DDX47: variants seen among roughly 807,000 people sequenced by gnomAD.
DDX47 encodes the protein probable ATP-dependent RNA helicase DDX47.
A neutral mutation model predicts 58.8 loss-of-function variants in DDX47; 60 were observed. The observed-to-expected ratio is 1.02, with a 90% confidence interval of 0.83 to 1.26. DDX47 has a LOEUF of 1.26. DDX47 is among the 50% of genes most tolerant of loss of function. The pLI is 0.00. For synonymous variants in DDX47, 197 were observed against 204.6 expected, an observed-to-expected ratio of 0.96 and a Z score of 0.32; for missense variants, 530 against 573.2, an observed-to-expected ratio of 0.92 and a Z score of 0.77.
At chr12:12,815,670 C>T (rs1724336020) in intron 2 of DDX47, among the ~76,000 whole-genome samples, 2 of 151,928 alleles carry the variant, frequency 1.3e-5, no homozygotes, top group Admixed American at 1.3e-4. Context: ...GCATAGGGAA[C>T]AGCATGAAAA....
chr12:12,829,691 C>T lies in DDX47; in HGVS notation c.*137C>T. The stretch of plus-strand genomic sequence containing the variant: ...TGCTCAGCTAATTCAGTATTCTTCC[C>T]CATTCTGGGTTGGAGTTTACTGCAG... On this transcript the variant is annotated 3_prime_UTR_variant, in exon 12 of 12. Transcript: ENST00000358007. 9 of 1,139,432 alleles carry T rather than the reference C, an allele frequency of 7.9e-6. No homozygotes were observed. The highest frequency in any genetic ancestry group is 1.1e-5 in the Non-Finnish European group (9 of 825,160). The allele number at this position is 1,139,432 out of a possible 1,614,324, so 70.6% of individuals were successfully genotyped here.
chr12:12,821,413 G>A lies in DDX47; in HGVS notation c.370+17G>A, dbSNP rs755777234. 3 of 1,613,788 alleles carry A rather than the reference G, an allele frequency of 1.9e-6. No homozygotes were observed. The highest frequency in any genetic ancestry group is 2.5e-6 in the Non-Finnish European group (3 of 1,179,782). ...TGCAGAGTGGTAAGTGTCTGAGAGG[G>A]AAGGGATCCTAGGTTGCCATCACAA... On this transcript the variant is annotated intron_variant, in intron 3 of 11. Coordinates refer to ENST00000358007, the MANE Select transcript of DDX47 (RefSeq NM_016355.4).
intron 2 of DDX47, among the ~76,000 whole-genome samples, chr12:12,816,800 A>T (rs1000047404): frequency 6.6e-6 from 1 of 152,248 alleles, no homozygotes; most frequent in African/African-American, 2.4e-5. Flanking sequence ...GGAAAGAACT[A>T]TCAGCGGCCC....
At chr12:12,821,087 C>G (rs1426594629) in intron 2 of DDX47, 121 bp from the exon 3 acceptor site, 13 of 1,015,758 alleles carry the variant, frequency 1.3e-5, no homozygotes, top group Middle Eastern at 2.2e-4. Context: ...CAACTTTCCT[C>G]TCTCCCCAGT....
chr12:12,823,757 T>C lies in DDX47; in HGVS notation c.751-113T>C, dbSNP rs180982671. The stretch of plus-strand genomic sequence containing the variant: ...GGAATGCAAAGCTGGCAGCTGGAGG[T>C]CTGGATAATTGAAAAGCGACTATAG... On this transcript the variant is annotated intron_variant, in intron 7 of 11. Transcript: ENST00000358007. The C allele has an allele frequency of 1.2e-4, 124 of 1,026,708 alleles. 1 individual carries two copies. In the East Asian group the frequency reaches 2.2e-3, roughly 19 times the overall value. The allele number at this position is 1,026,708 out of a possible 1,614,324, so 63.6% of individuals were successfully genotyped here. A position where few individuals can be genotyped will look rare whatever the true frequency, so the allele number is the denominator to read the frequency against.
chr12:12,820,552 GT>G (rs1862953793), intron 2 of DDX47: 1 of 153,468 alleles, frequency 6.5e-6, no homozygotes, highest in South Asian at 2.1e-4. Flanking sequence ...CTGGAGTGCA[GT>G]GGCACGATCT....
chr12:12,813,454 G>A lies in DDX47; in HGVS notation c.87G>A (p.Leu29=). 1 of 1,607,120 alleles carries A rather than the reference G, an allele frequency of 6.2e-7. No individual in the cohort carries two copies. The highest frequency in any genetic ancestry group is 1.1e-5 in the South Asian group (1 of 89,794). ...AGGAAACTAAAACATTTAAAGACCT[G>A]GTGAGAATGGATGACGCTGGCTTCT... ...EEEETKTFKD[L]GVTDVLCEAC... The change falls in exon 1 of 12, where the codon CTG becomes CTA. Residue 29 remains leucine (L), a splice_region_variant and synonymous_variant. Transcript: ENST00000358007.
intron 9 of DDX47, among the ~76,000 whole-genome samples, chr12:12,825,437 A>G (rs1863038058): frequency 6.6e-6 from 1 of 152,188 alleles, no homozygotes; most frequent in African/African-American, 2.4e-5. Flanking sequence ...TCCACCTGTG[A>G]TAATCAGAAA....
intron 2 of DDX47, among the ~76,000 whole-genome samples, chr12:12,819,969 G>T (rs7966040): frequency 1.3e-5 from 2 of 152,084 alleles, no homozygotes; most frequent in Non-Finnish European, 2.9e-5. Context: ...TCATGTTCAG[G>T]TTATGTCAGG....
intron 11 of DDX47, among the ~76,000 whole-genome samples, chr12:12,827,869 CTTTTTTCTTTTTT>C (rs1863077623): frequency 9.1e-6 from 1 of 109,690 alleles, no homozygotes; most frequent in Non-Finnish European, 1.8e-5. Context: ...CAAAACTTTT[CTTTTTTCTTTTTT>C]TTTTTTTTTT....
chr12:12,827,566 G>T (rs1164872448), intron 11 of DDX47, among the ~76,000 whole-genome samples, 191 bp downstream of exon 11: 3 of 152,178 alleles, frequency 2.0e-5, no homozygotes, highest in Admixed American at 6.5e-5. Context: ...TTGAATCAAG[G>T]TTTGGCCTCA....
rs769160289 is a variant in DDX47 at position 12,822,127 on chromosome 12, T to A, written c.561+44T>A. 36 of 1,435,692 alleles carry A rather than the reference T, an allele frequency of 2.5e-5. No homozygotes were observed. The African/African-American group carries it at 4.7e-4, about 19-fold the overall frequency. The allele number at this position is 1,435,692 out of a possible 1,614,324, so 88.9% of individuals were successfully genotyped here. ...TCCTCCTCTTAGAGCATCTCAAGGT[T>A]CCTGTTTCAAAATTTGGTTCATTGC... On this transcript the variant is annotated intron_variant, in intron 5 of 11. Transcript: ENST00000358007.
chr12:12,821,801 C>G, intron 4 of DDX47, 75 bp downstream of exon 4: 1 of 1,339,606 alleles, frequency 7.5e-7, no homozygotes, highest in Non-Finnish European at 1.1e-6. Flanking sequence ...GATAGAAAGA[C>G]TTTGAGAAAC....
At chr12:12,824,424 TA>T (rs1377382469) in intron 8 of DDX47, 115 bp from the exon 9 acceptor site, 2 of 1,194,700 alleles carry the variant, frequency 1.7e-6, no homozygotes, top group African/African-American at 3.1e-5. Flanking sequence ...ATTCAAAACT[TA>T]GGGGGAAAAA....
chr12:12,821,823 C>T (rs1862977031), intron 4 of DDX47, 97 bp downstream of exon 4: 6 of 1,262,118 alleles, frequency 4.8e-6, no homozygotes, highest in Non-Finnish European at 6.8e-6. Flanking sequence ...GATTTTGTAA[C>T]CCTGTTAAAT....
chr12:12,824,411 C>T (rs1024189543), intron 8 of DDX47, 129 bp from the exon 9 acceptor site: 127 of 935,412 alleles, frequency 1.4e-4, no homozygotes, highest in Non-Finnish European at 1.9e-4. Context: ...CCTGTGAAGC[C>T]CCATTCAAAA....
chr12:12,825,931 T>C, intron 9 of DDX47, 69 bp from the exon 10 acceptor site: 1 of 1,233,862 alleles, frequency 8.1e-7, no homozygotes, highest in Admixed American at 2.7e-5. Context: ...GCAGCAGGAC[T>C]TTGCATATGT....
chr12:12,829,439 G>C lies in DDX47; in HGVS notation c.1253G>C (p.Gly418Ala). Residue 418 changes from glycine (G) to alanine (A), a missense_variant, in exon 12 of 12, where the codon GGA (glycine) becomes GCA (alanine). Transcript: ENST00000358007. ...TTCTTGCAGGAGTTAAGGGAGCATG[G>C]AGAAAAGAAGAAACGCTCGCGAGAG... The part of the protein sequence containing the change: ...RFARMELREH[G>A]EKKKRSREDA... 6.2e-7 allele frequency: 1 copy of C among 1,612,360 alleles called. No homozygotes were observed. Among genetic ancestry groups the C allele is most frequent in the Admixed American group, 1.7e-5 (1 of 59,614 alleles).
At chr12:12,824,432 A>T in intron 8 of DDX47, 108 bp from the exon 9 acceptor site, 1 of 1,322,442 alleles carries the variant, frequency 7.6e-7, no homozygotes, top group South Asian at 1.5e-5. Flanking sequence ...CTTAGGGGGA[A>T]AAACCTTTAA....
Sources: allele counts gnomAD v4.1 joint callset (sites outside exome capture counted in the v4.1 genomes callset), GRCh38; gene constraint gnomAD v4.1.1; transcripts MANE v1.5; gene names NCBI Gene and HGNC (gene_info 2026-07-23, HGNC 2026-07-21).